SP100: variants seen among roughly 807,000 people sequenced by gnomAD.
SP100 encodes the protein SP100 nuclear body protein.
In SP100, 84 loss-of-function variants were observed where a neutral mutation model predicts 130.0. The observed-to-expected ratio is 0.65, with a 90% CI of 0.54 to 0.77. The LOEUF is 0.77. SP100 is among the 30% of genes least tolerant of loss of function. The pLI is 0.00. For synonymous variants in SP100, 331 were observed against 351.7 expected, an observed-to-expected ratio of 0.94 and a Z score of 0.66; for missense variants, 978 against 1,052.2, an observed-to-expected ratio of 0.93 and a Z score of 0.97.
intron 24 of SP100, chr2:230,520,458 G>A (rs763824534): frequency 5.3e-5 from 8 of 152,182 alleles, no homozygotes; most frequent in African/African-American, 9.7e-5. Context: ...TAGCCAAGGA[G>A]AAAACCAGCT....
chr2:230,494,400 T>A lies in SP100; in HGVS notation c.1601-16T>A, dbSNP rs772818199. On this transcript the variant is annotated splice_polypyrimidine_tract_variant and intron_variant, in intron 17 of 28. Transcript: ENST00000340126. The stretch of plus-strand genomic sequence containing the variant: ...TATAGTTCTAAAGGATTATTTTCTT[T>A]CTTTTCTGTTTGCAGGAAAAAAGAG... 1 of 1,553,614 alleles carries A rather than the reference T, an allele frequency of 6.4e-7. No individual in the cohort carries two copies. Among genetic ancestry groups the A allele is most frequent in the South Asian group, 1.1e-5 (1 of 89,706 alleles).
chr2:230,449,779 C>T, intron 7 of SP100, 69 bp downstream of exon 7: 1 of 1,507,888 alleles, frequency 6.6e-7, no homozygotes, highest in Admixed American at 1.7e-5. Flanking sequence ...GAGGAAGAGT[C>T]TAATGCACAA....
chr2:230,443,791 C>T (rs1331818677), intron 3 of SP100, among the ~76,000 whole-genome samples: 1 of 152,148 alleles, frequency 6.6e-6, no homozygotes, highest in Non-Finnish European at 1.5e-5. Context: ...TTCCTTGGGC[C>T]CTTCAGGCCA....
intron 8 of SP100, among the ~76,000 whole-genome samples, chr2:230,455,146 C>G (rs542945283): frequency 6.6e-6 from 1 of 152,218 alleles, no homozygotes; most frequent in East Asian, 1.9e-4. Context: ...GCAATCATGG[C>G]TCGCTGCAGC....
At position 230,462,477 on chromosome 2, in the gene SP100, A is replaced by C; in HGVS notation, c.1016A>C (p.Glu339Ala). The C allele has an allele frequency of 1.9e-6, 3 of 1,613,828 alleles. No individual in the cohort carries two copies. The highest frequency in any genetic ancestry group is 2.5e-6 in the Non-Finnish European group (3 of 1,179,862). Residue 339 changes from glutamate (E) to alanine (A), a missense_variant, in exon 10 of 29, where the codon GAG becomes GCG. Glu to Ala is a moderately radical substitution (Grantham distance 107, BLOSUM62 -1). Coordinates refer to ENST00000340126, the MANE Select transcript of SP100 (RefSeq NM_001080391.2). ...TCTGAAGGATCCACTGACGTTGATG[A>C]GCCCTTAGAAGTCTTCATCTCAGCA... ...EDSEGSTDVD[E>A]PLEVFISAPR... is the part of the protein sequence containing the mutation.
intron 23 of SP100, 117 bp from the exon 24 acceptor site, chr2:230,511,008 T>A (rs1690549513): frequency 2.7e-6 from 2 of 746,424 alleles, no homozygotes; most frequent in African/African-American, 3.5e-5. Flanking sequence ...AAAGCAGACA[T>A]GAAACAAAAG....
At chr2:230,428,741 C>T (rs999894454) in intron 2 of SP100, among the ~76,000 whole-genome samples, 9 of 151,532 alleles carry the variant, frequency 5.9e-5, no homozygotes, top group East Asian at 3.9e-4. Flanking sequence ...CACGCCTGGC[C>T]GAGAAGTGCT....
At chr2:230,537,591 G>T in intron 24 of SP100, 1 of 152,216 alleles carries the variant, frequency 6.6e-6, no homozygotes, top group Non-Finnish European at 1.5e-5. Context: ...AGACAAACTT[G>T]TAGGCTGTTA....
intron 18 of SP100, among the ~76,000 whole-genome samples, chr2:230,494,916 G>T (rs1043691401): frequency 3.9e-5 from 6 of 152,208 alleles, no homozygotes; most frequent in African/African-American, 1.2e-4. Flanking sequence ...GCAGTCCTTG[G>T]TTCAGCTGTA....
At chr2:230,522,124 A>T (rs2150097401) in intron 24 of SP100, among the ~76,000 whole-genome samples, 1 of 152,268 alleles carries the variant, frequency 6.6e-6, no homozygotes, top group East Asian at 1.9e-4. Flanking sequence ...GGGAAATTCC[A>T]AAGGAATTTC....
intron 24 of SP100, among the ~76,000 whole-genome samples, chr2:230,531,389 C>T (rs538226792): frequency 2.0e-4 from 26 of 130,596 alleles, no homozygotes; most frequent in African/African-American, 6.7e-4. Flanking sequence ...GGACACAGGG[C>T]GGGGAACATC....
intron 8 of SP100, among the ~76,000 whole-genome samples, chr2:230,455,423 C>T (rs757142353): frequency 7.9e-5 from 12 of 152,156 alleles, no homozygotes; most frequent in East Asian, 1.9e-4. Flanking sequence ...TCTCATCTGA[C>T]GTAAGTACAC....
At chr2:230,462,920 G>A (rs1286648802) in intron 10 of SP100, among the ~76,000 whole-genome samples, 1 of 152,172 alleles carries the variant, frequency 6.6e-6, no homozygotes, top group Non-Finnish European at 1.5e-5. Context: ...ATTGTCATCT[G>A]ATCACAAACT....
chr2:230,468,551 T>A (rs966297434), intron 13 of SP100, among the ~76,000 whole-genome samples: 1 of 146,520 alleles, frequency 6.8e-6, no homozygotes, highest in Admixed American at 6.8e-5. Context: ...ACGCCTATAA[T>A]CCCAACACTT....
chr2:230,453,279 A>G (rs944362746), intron 8 of SP100, among the ~76,000 whole-genome samples: 10 of 152,184 alleles, frequency 6.6e-5, no homozygotes, highest in South Asian at 2.1e-4. Flanking sequence ...CCATGACTCA[A>G]TTACCTCCCA....
chr2:230,527,115 C>T (rs1293029474), intron 24 of SP100, among the ~76,000 whole-genome samples: 2 of 152,126 alleles, frequency 1.3e-5, no homozygotes, highest in East Asian at 1.9e-4. Context: ...CCAGAAGACA[C>T]GTAAATGTCA....
chr2:230,449,862 C>A (rs1007502103), intron 7 of SP100, 152 bp downstream of exon 7: 7 of 825,076 alleles, frequency 8.5e-6, no homozygotes, highest in Non-Finnish European at 1.4e-5. Context: ...TACAGATGAG[C>A]CTGATACACT....
intron 10 of SP100, 164 bp downstream of exon 10, chr2:230,462,682 G>A: frequency 8.2e-6 from 5 of 610,966 alleles, no homozygotes; most frequent in South Asian, 3.8e-5. Flanking sequence ...GAAAATGCAG[G>A]GAGACAAGAA....
intron 2 of SP100, among the ~76,000 whole-genome samples, chr2:230,425,334 T>C (rs1437967764): frequency 1.3e-5 from 2 of 150,518 alleles, no homozygotes; most frequent in African/African-American, 4.9e-5. Flanking sequence ...AACTGCTATT[T>C]GACCCTCTGT....
Sources: gnomAD v4.1 joint callset for allele counts (sites outside exome capture counted in the v4.1 genomes callset) on GRCh38, gnomAD v4.1.1 for gene constraint, MANE v1.5 for transcripts, NCBI Gene and HGNC (gene_info 2026-07-23, HGNC 2026-07-21) for gene names.